Variants in ST18 observed in about 807,000 individuals in gnomAD.
ST18 encodes ST18 C2H2C-type zinc finger transcription factor.
In ST18, 50 loss-of-function variants were observed where a neutral mutation model predicts 110.0. The ratio of observed to expected loss-of-function variants is 0.45; its 90% CI spans 0.36 to 0.58. The LOEUF is 0.58. ST18 is among the 20% of genes least tolerant of loss of function. The pLI is 0.00. For missense variants in ST18, 1,306 were observed against 1,280.1 expected (o/e 1.02, Z -0.31); for synonymous variants, 461 against 452.4 (o/e 1.02, Z -0.24).
At chr8:52,311,253 T>A (rs1000421962) in intron 2 of ST18, among the ~76,000 whole-genome samples, 2 of 152,326 alleles carry the variant, frequency 1.3e-5, no homozygotes, top group African/African-American at 4.8e-5. Context: ...GAGCTGGACA[T>A]TGAAGGGCAT....
intron 2 of ST18, among the ~76,000 whole-genome samples, chr8:52,388,788 G>A (rs1440927800): frequency 1.4e-5 from 2 of 140,860 alleles, no homozygotes; most frequent in African/African-American, 5.3e-5. Flanking sequence ...ACACAGGAAG[G>A]GGAACATCAC....
chr8:52,111,058 A>C lies in ST18; in HGVS notation c.*2140T>G, dbSNP rs1030254111. ...TGAAAAGAAAACAAATTCAGTGCACATTACAAAACACATCAAGTACAAAGT... is the reference window on the plus strand; with the variant it reads ...TGAAAAGAAAACAAATTCAGTGCACCTTACAAAACACATCAAGTACAAAGT... On this transcript the variant is annotated 3_prime_UTR_variant, in exon 26 of 26. Transcript: ENST00000689386. 2.5e-6 allele frequency: 1 copy of C among 398,572 alleles called. No homozygotes were observed. The allele number at this position is 398,572 out of a possible 1,614,324, so 24.7% of individuals were successfully genotyped here. A position where few individuals can be genotyped will look rare whatever the true frequency, so the allele number is the denominator to read the frequency against.
chr8:52,142,311 A>G (rs1376069076), intron 17 of ST18, among the ~76,000 whole-genome samples: 1 of 152,146 alleles, frequency 6.6e-6, no homozygotes, highest in African/African-American at 2.4e-5. Context: ...AAGTTTAAAC[A>G]TATTTTTTGA....
intron 2 of ST18, among the ~76,000 whole-genome samples, chr8:52,303,085 G>C (rs1458716176): frequency 6.6e-6 from 1 of 152,172 alleles, no homozygotes; most frequent in Non-Finnish European, 1.5e-5. Flanking sequence ...CCTTGTGTTA[G>C]TTTCTGAAGG....
chr8:52,174,224 T>G (rs1312043049), intron 9 of ST18, among the ~76,000 whole-genome samples: 1 of 152,208 alleles, frequency 6.6e-6, no homozygotes, highest in East Asian at 1.9e-4. Context: ...TCTCCTGAAT[T>G]CATATCAGAG....
intron 15 of ST18, among the ~76,000 whole-genome samples, chr8:52,152,774 T>C (rs1271745143): frequency 6.6e-6 from 1 of 152,230 alleles, no homozygotes; most frequent in Non-Finnish European, 1.5e-5. Flanking sequence ...AATTACTCAT[T>C]GTAATCCTTA....
intron 2 of ST18, among the ~76,000 whole-genome samples, chr8:52,357,676 A>ATATATATAT (rs1823427401): frequency 2.6e-5 from 1 of 38,466 alleles, no homozygotes; most frequent in African/African-American, 1.0e-4. Context: ...AAAATCTATA[A>ATATATATAT]ATATATATAT....
At chr8:52,171,620 T>C (rs2133792521) in intron 10 of ST18, 172 bp downstream of exon 10, 1 of 757,852 alleles carries the variant, frequency 1.3e-6, no homozygotes, top group Middle Eastern at 2.3e-4. Context: ...GATTGGAGGA[T>C]AATCTAGAGA....
intron 24 of ST18, among the ~76,000 whole-genome samples, chr8:52,117,353 T>C (rs2042923832): frequency 1.3e-5 from 2 of 152,298 alleles, no homozygotes; most frequent in South Asian, 4.1e-4. Flanking sequence ...TGGTCCTATT[T>C]AGTATTGAAA....
At chr8:52,270,758 C>T (rs1438815907) in intron 2 of ST18, among the ~76,000 whole-genome samples, 1 of 151,992 alleles carries the variant, frequency 6.6e-6, no homozygotes, top group African/African-American at 2.4e-5. Context: ...CTGAAGGGTA[C>T]ATTTTTTTTG....
intron 8 of ST18, among the ~76,000 whole-genome samples, chr8:52,182,094 A>T (rs915965217): frequency 1.3e-5 from 2 of 152,200 alleles, no homozygotes; most frequent in Non-Finnish European, 2.9e-5. Flanking sequence ...ATGAGCCAAG[A>T]TTTGTAGCAA....
chr8:52,144,382 A>C (rs1163414973), intron 16 of ST18, among the ~76,000 whole-genome samples: 1 of 152,136 alleles, frequency 6.6e-6, no homozygotes, highest in Non-Finnish European at 1.5e-5. Context: ...ATATAATTTT[A>C]GTAATTCTGA....
At chr8:52,393,351 G>A (rs1402801888) in intron 2 of ST18, among the ~76,000 whole-genome samples, 1 of 152,166 alleles carries the variant, frequency 6.6e-6, no homozygotes, top group Non-Finnish European at 1.5e-5. Flanking sequence ...ATGTAGAGCA[G>A]AGAATAACGC....
chr8:52,283,761 C>G (rs956297474), intron 2 of ST18, among the ~76,000 whole-genome samples: 1 of 152,072 alleles, frequency 6.6e-6, no homozygotes, highest in African/African-American at 2.4e-5. Flanking sequence ...GTGAACTGTA[C>G]GTCACATCCC....
chr8:52,283,886 A>T (rs2095427071), intron 2 of ST18, among the ~76,000 whole-genome samples: 1 of 152,240 alleles, frequency 6.6e-6, no homozygotes, highest in African/African-American at 2.4e-5. Flanking sequence ...AGGTTTAAGA[A>T]GACAAGAAAA....
chr8:52,393,714 C>T (rs747259173), intron 2 of ST18: 3 of 151,976 alleles, frequency 2.0e-5, no homozygotes, highest in Non-Finnish European at 4.4e-5. Context: ...GAAACCCCAT[C>T]TCTACCAAAA....
At chr8:52,367,562 G>T (rs1446059711) in intron 2 of ST18, among the ~76,000 whole-genome samples, 1 of 152,168 alleles carries the variant, frequency 6.6e-6, no homozygotes, top group Non-Finnish European at 1.5e-5. Flanking sequence ...TGGAAAATGT[G>T]TGTGATGAAT....
At chr8:52,196,713 T>C (rs770651691) in intron 8 of ST18, among the ~76,000 whole-genome samples, 2 of 152,224 alleles carry the variant, frequency 1.3e-5, no homozygotes, top group Admixed American at 1.3e-4. Flanking sequence ...ATCATAGGTA[T>C]GTATGTATAG....
intron 8 of ST18, among the ~76,000 whole-genome samples, chr8:52,202,253 A>G (rs1333350848): frequency 1.3e-5 from 2 of 152,148 alleles, no homozygotes; most frequent in Non-Finnish European, 2.9e-5. Context: ...TTTATCATGC[A>G]TTACAAGCTA....
Sources: allele counts gnomAD v4.1 joint callset (sites outside exome capture counted in the v4.1 genomes callset), GRCh38; gene constraint gnomAD v4.1.1; transcripts MANE v1.5; gene names NCBI Gene and HGNC (gene_info 2026-07-23, HGNC 2026-07-21).